CDH13: variants seen among roughly 807,000 people sequenced by gnomAD.
CDH13 encodes the protein cadherin 13, also known as cadherin-13.
CDH13 carries 24 observed loss-of-function variants against 63.8 expected under a neutral mutation model. The ratio of observed to expected loss-of-function variants is 0.38; its 90% CI spans 0.27 to 0.53. CDH13 has a LOEUF of 0.53. Among genes scored for constraint, CDH13 ranks in the 20% least tolerant of loss-of-function variants. The pLI, the probability that CDH13 is intolerant of heterozygous loss-of-function variation, is 0.85. For synonymous variants in CDH13, 503 were observed against 355.3 expected, an observed-to-expected ratio of 1.42 and a Z score of -4.67; for missense variants, 1,049 against 903.1, an observed-to-expected ratio of 1.16 and a Z score of -2.07.
chr16:83,003,660 AC>A (rs2151426323), intron 2 of CDH13, among the ~76,000 whole-genome samples: 1 of 152,312 alleles, frequency 6.6e-6, no homozygotes, highest in Admixed American at 6.5e-5. Flanking sequence ...TAATGGAGAG[AC>A]AGGTGGATGA....
chr16:83,228,747 G>T (rs562131799), intron 5 of CDH13, among the ~76,000 whole-genome samples: 32 of 152,264 alleles, frequency 2.1e-4, no homozygotes, highest in African/African-American at 7.0e-4. Flanking sequence ...AGCAAAGGTG[G>T]GACTCGCATG....
In CDH13 at chr16:83,459,752, A is replaced by T. The variant is rs550917592; in HGVS notation, c.782-26725A>T. ...AAAAATAACCAAATGACTCAACTGC[A>T]TAAGGAGGTGAAAGGAAGGATCTAG... On this transcript the variant is annotated intron_variant, in intron 6 of 13. Coordinates refer to ENST00000567109, the MANE Select transcript of CDH13 (RefSeq NM_001257.5). 9.6e-4 allele frequency among the ~76,000 whole-genome samples: 146 copies of T among 152,366 alleles called. No homozygotes were observed. The Middle Eastern group carries it at 0.01, about 11-fold the overall frequency.
chr16:83,239,659 C>T (rs1188839877), intron 5 of CDH13, among the ~76,000 whole-genome samples: 3 of 152,180 alleles, frequency 2.0e-5, no homozygotes, highest in Non-Finnish European at 4.4e-5. Context: ...TCTGTCTTTT[C>T]CACTTGTTCT....
At chr16:83,368,884 T>TTATATA (rs150563585) in intron 6 of CDH13, among the ~76,000 whole-genome samples, 54 of 47,548 alleles carry the variant, frequency 1.1e-3, no homozygotes, top group Non-Finnish European at 2.3e-3. Flanking sequence ...GTATTCCATG[T>TTATATA]TATATATATA....
intron 3 of CDH13, among the ~76,000 whole-genome samples, chr16:83,066,037 A>C (rs1000591365): frequency 1.3e-5 from 2 of 152,236 alleles, no homozygotes; most frequent in Non-Finnish European, 2.9e-5. Context: ...AAAATGTCTT[A>C]AGCATAAGAG....
intron 6 of CDH13, among the ~76,000 whole-genome samples, chr16:83,359,337 G>A (rs1325443943): frequency 6.6e-6 from 1 of 152,170 alleles, no homozygotes; most frequent in Non-Finnish European, 1.5e-5. Flanking sequence ...TGGCTGTGAA[G>A]GTTCTGTGAG....
chr16:83,680,110 C>T (rs117866610), intron 10 of CDH13, among the ~76,000 whole-genome samples: 2 of 152,302 alleles, frequency 1.3e-5, no homozygotes, highest in East Asian at 1.9e-4. Context: ...CTGAAGAACC[C>T]GCTCGAGATA....
chr16:82,711,932 T>C (rs910377755), intron 1 of CDH13, among the ~76,000 whole-genome samples: 4 of 152,196 alleles, frequency 2.6e-5, no homozygotes, highest in African/African-American at 9.7e-5. Flanking sequence ...AATCACTTGC[T>C]CCACATCACA....
intron 1 of CDH13, among the ~76,000 whole-genome samples, chr16:82,628,203 C>A (rs1597156929): frequency 1.3e-5 from 2 of 152,320 alleles, no homozygotes; most frequent in Admixed American, 1.3e-4. Flanking sequence ...GCCTCTCTGG[C>A]AGGCGTTGGG....
chr16:83,683,754 A>G (rs1053570336), intron 10 of CDH13, among the ~76,000 whole-genome samples: 15 of 152,246 alleles, frequency 9.9e-5, no homozygotes, highest in Admixed American at 2.6e-4. Context: ...TGGTTGAGCA[A>G]AAGTATTACT....
intron 7 of CDH13, among the ~76,000 whole-genome samples, chr16:83,589,231 C>T (rs1174460479): frequency 6.6e-6 from 1 of 150,432 alleles, no homozygotes; most frequent in East Asian, 2.0e-4. Context: ...CCCTGTCTCC[C>T]CATCCCCCTC....
At chr16:83,496,559 T>C (rs1442076911) in intron 7 of CDH13, among the ~76,000 whole-genome samples, 3 of 152,094 alleles carry the variant, frequency 2.0e-5, no homozygotes, top group African/African-American at 4.8e-5. Context: ...ATAAAAACCC[T>C]AGAAGAAAAC....
intron 4 of CDH13, among the ~76,000 whole-genome samples, chr16:83,201,752 A>C (rs1249699759): frequency 6.6e-6 from 1 of 151,654 alleles, no homozygotes; most frequent in Non-Finnish European, 1.5e-5. Flanking sequence ...ATTAAAAAAA[A>C]AAAAAACACA....
At position 83,716,166 on chromosome 16, in the gene CDH13, T is replaced by C. The variant is rs1259593540; in HGVS notation, c.1539-31942T>C. Reference sequence around the variant, plus strand: ...AAAATTGAGCAGAAGGTACAGGGAGTTCTCACATGCTTCCTGCCCCCACAC... The same window carrying C: ...AAAATTGAGCAGAAGGTACAGGGAGCTCTCACATGCTTCCTGCCCCCACAC... On this transcript the variant is annotated intron_variant, in intron 10 of 13. Transcript: ENST00000567109. 2.6e-5 allele frequency among the ~76,000 whole-genome samples: 4 copies of C among 151,720 alleles called. No individual in the cohort carries two copies. In the East Asian group the frequency reaches 5.8e-4, roughly 22 times the overall value.
chr16:83,093,936 C>G (rs2034057295), intron 3 of CDH13, among the ~76,000 whole-genome samples: 1 of 152,172 alleles, frequency 6.6e-6, no homozygotes, highest in Non-Finnish European at 1.5e-5. Flanking sequence ...AAAGGTTAAG[C>G]AAGCGAGTAA....
intron 3 of CDH13, among the ~76,000 whole-genome samples, chr16:83,102,620 C>T (rs577922162): frequency 6.6e-6 from 1 of 152,088 alleles, no homozygotes; most frequent in Admixed American, 6.6e-5. Flanking sequence ...ACCCAGTTCA[C>T]GTTTCAACAG....
chr16:83,261,304 G>T (rs186883861), intron 5 of CDH13, among the ~76,000 whole-genome samples: 1 of 152,178 alleles, frequency 6.6e-6, no homozygotes, highest in Non-Finnish European at 1.5e-5. Context: ...TTACCGATAC[G>T]TTAACTTCAT....
chr16:82,847,911 T>G (rs1303659481), intron 1 of CDH13, among the ~76,000 whole-genome samples: 1 of 143,808 alleles, frequency 7.0e-6, no homozygotes, highest in Non-Finnish European at 1.6e-5. Flanking sequence ...TTTTTTTTTG[T>G]ACTTCACAGA....
At chr16:83,015,724 A>ATATAGAGAG (rs1555562946) in intron 2 of CDH13, among the ~76,000 whole-genome samples, 3 of 49,094 alleles carry the variant, frequency 6.1e-5, no homozygotes, top group African/African-American at 1.8e-4. Context: ...TATATATATA[A>ATATAGAGAG]AGAAAAAGCA....
Sources: allele counts gnomAD v4.1 joint callset (sites outside exome capture counted in the v4.1 genomes callset), GRCh38; gene constraint gnomAD v4.1.1; transcripts MANE v1.5; gene names NCBI Gene and HGNC (gene_info 2026-07-23, HGNC 2026-07-21).